Variants in PLEKHA5 observed in about 807,000 individuals in gnomAD.
PLEKHA5 encodes pleckstrin homology domain containing A5.
Under a neutral mutation model 181.9 loss-of-function variants are expected in PLEKHA5, and 55 were observed. That is an observed-to-expected ratio of 0.30 (90% CI 0.24 to 0.38). PLEKHA5 has a LOEUF of 0.38. PLEKHA5 is among the 10% of genes least tolerant of loss of function. The probability of loss-of-function intolerance (pLI) is 1.00; values close to 1 mark genes in which losing one functional copy is unlikely to be tolerated. For synonymous variants in PLEKHA5, 535 were observed against 529.4 expected, an observed-to-expected ratio of 1.01 and a Z score of -0.15; for missense variants, 1,432 against 1,549.5, an observed-to-expected ratio of 0.92 and a Z score of 1.27.
chr12:19,305,584 CG>C (rs2083068574), intron 15 of PLEKHA5, among the ~76,000 whole-genome samples: 1 of 141,852 alleles, frequency 7.0e-6, no homozygotes, highest in Non-Finnish European at 1.5e-5. Flanking sequence ...AGACCCAGCA[CG>C]GATGGCTTGA....
intron 3 of PLEKHA5, among the ~76,000 whole-genome samples, chr12:19,178,134 G>A (rs2047732979): frequency 1.3e-5 from 2 of 152,040 alleles, no homozygotes; most frequent in South Asian, 4.2e-4. Context: ...AAATCTCCTT[G>A]GTCTATTATT....
At chr12:19,166,112 T>C (rs575168733) in intron 3 of PLEKHA5, among the ~76,000 whole-genome samples, 29 of 152,286 alleles carry the variant, frequency 1.9e-4, no homozygotes, top group Admixed American at 5.9e-4. Context: ...TCCCTGTTCT[T>C]CAGTAACATT....
chr12:19,251,833 A>G (rs183431892), intron 3 of PLEKHA5, among the ~76,000 whole-genome samples: 2 of 152,092 alleles, frequency 1.3e-5, no homozygotes, highest in East Asian at 3.9e-4. Flanking sequence ...ACAGGGGACA[A>G]ACTTTGGTAG....
chr12:19,295,576 TAACAG>T (rs2079549287), intron 15 of PLEKHA5, among the ~76,000 whole-genome samples: 1 of 152,160 alleles, frequency 6.6e-6, no homozygotes. Context: ...TTTTTTTTCT[TAACAG>T]GGCAGATCAA....
chr12:19,188,391 G>A (rs773231597), intron 3 of PLEKHA5, among the ~76,000 whole-genome samples: 7 of 152,008 alleles, frequency 4.6e-5, no homozygotes, highest in Admixed American at 1.3e-4. Flanking sequence ...TTTCAGATCA[G>A]CATGTTATTT....
At chr12:19,142,294 A>G (rs1425123663) in intron 3 of PLEKHA5, among the ~76,000 whole-genome samples, 1 of 152,172 alleles carries the variant, frequency 6.6e-6, no homozygotes, top group Non-Finnish European at 1.5e-5. Flanking sequence ...GCTTGAGCCC[A>G]GGAACTCAAA....
rs907418399 is a variant in PLEKHA5, at chr12:19,369,879, C to T, written c.*11+81C>T. The T allele has an allele frequency of 1.3e-5, 10 of 795,084 alleles. No homozygotes were observed. The African/African-American group carries it at 1.6e-4, about 12-fold the overall frequency. 49.3% of individuals were successfully genotyped at this position (795,084 alleles called of 1,614,324 possible). On this transcript the variant is annotated intron_variant, in intron 31 of 31. Coordinates refer to ENST00000429027, the MANE Select transcript of PLEKHA5 (RefSeq NM_001256470.2). ...TATCTGTTGGTTTAGTGAATCAAAA[C>T]TGGGATTAGTTCTGGACTGTACATA...
chr12:19,313,991 G>A (rs180861562), intron 15 of PLEKHA5, among the ~76,000 whole-genome samples: 15 of 152,198 alleles, frequency 9.9e-5, no homozygotes, highest in Admixed American at 2.0e-4. Flanking sequence ...AAAATTAAGC[G>A]TTACAAATTA....
chr12:19,371,793 A>C (rs986182716), intron 31 of PLEKHA5: 1 of 152,100 alleles, frequency 6.6e-6, no homozygotes, highest in Non-Finnish European at 1.5e-5. Context: ...TATCTTTTTT[A>C]TGTAATGACT....
rs1232512818 is a variant in PLEKHA5 at position 19,347,128 on chromosome 12, T to G, written c.2844T>G (p.Pro948=). ...ATAGCAGGGGCCCAGTTCATCTGCC[T>G]GAAGAAAAGAAGATGTATCAAGTTC... The part of the protein sequence containing the change: ...LCYSRGPVHL[P]EEKKMYQVQG... Residue 948 remains proline, a synonymous_variant, in exon 24 of 32, where the codon CCT becomes CCG. Coordinates refer to ENST00000429027, the MANE Select transcript of PLEKHA5 (RefSeq NM_001256470.2). The G allele has an allele frequency of 1.3e-6, 2 of 1,550,122 alleles. No homozygotes were observed. The highest frequency in any genetic ancestry group is 2.7e-5 in the African/African-American group (2 of 73,024).
chr12:19,342,981 C>G (rs116938010), intron 21 of PLEKHA5, among the ~76,000 whole-genome samples: 9,177 of 152,086 alleles, frequency 0.06, 303 homozygotes, highest in South Asian at 0.12. Flanking sequence ...TTTGTTTCTG[C>G]TCTGTTTTCA....
chr12:19,134,539 T>G (rs968985416), intron 3 of PLEKHA5, among the ~76,000 whole-genome samples: 3 of 152,160 alleles, frequency 2.0e-5, no homozygotes, highest in Non-Finnish European at 4.4e-5. Context: ...GCTACTGCTT[T>G]ATCTTCTGGG....
At chr12:19,162,206 G>T (rs1465699869) in intron 3 of PLEKHA5, among the ~76,000 whole-genome samples, 1 of 152,096 alleles carries the variant, frequency 6.6e-6, no homozygotes, top group African/African-American at 2.4e-5. Context: ...GTTTATGTAT[G>T]TTAGGGGCTG....
intron 3 of PLEKHA5, among the ~76,000 whole-genome samples, chr12:19,168,959 G>C (rs12578443): frequency 0.11 from 17,155 of 152,204 alleles, 1,171 homozygotes; most frequent in East Asian, 0.31. Context: ...TGTAAAGTGA[G>C]CTTAATCACC....
chr12:19,319,249 G>A (rs2153030715), intron 16 of PLEKHA5, among the ~76,000 whole-genome samples: 1 of 152,142 alleles, frequency 6.6e-6, no homozygotes, highest in East Asian at 1.9e-4. Context: ...TGAAAGTTTT[G>A]TGGTTTAACA....
intron 3 of PLEKHA5, among the ~76,000 whole-genome samples, chr12:19,203,988 CAT>C (rs1439475859): frequency 6.6e-6 from 1 of 152,036 alleles, no homozygotes; most frequent in Non-Finnish European, 1.5e-5. Flanking sequence ...AGACACAAAA[CAT>C]ATGCGTATTG....
At chr12:19,183,618 T>G (rs953409360) in intron 3 of PLEKHA5, among the ~76,000 whole-genome samples, 1 of 152,224 alleles carries the variant, frequency 6.6e-6, no homozygotes, top group Non-Finnish European at 1.5e-5. Flanking sequence ...AGTTAGTTGT[T>G]CTCAGTCTGC....
At chr12:19,302,068 G>A (rs2081638404) in intron 15 of PLEKHA5, among the ~76,000 whole-genome samples, 1 of 152,190 alleles carries the variant, frequency 6.6e-6, no homozygotes, top group African/African-American at 2.4e-5. Flanking sequence ...TATTGATGTA[G>A]ACACAGAAGG....
chr12:19,292,020 AG>A (rs1237131816), intron 15 of PLEKHA5, among the ~76,000 whole-genome samples: 3 of 152,216 alleles, frequency 2.0e-5, no homozygotes, highest in Non-Finnish European at 2.9e-5. Context: ...ACCTAATTAA[AG>A]GAACAGACAC....
Sources: allele counts gnomAD v4.1 joint callset (sites outside exome capture counted in the v4.1 genomes callset), GRCh38; gene constraint gnomAD v4.1.1; transcripts MANE v1.5; gene names NCBI Gene and HGNC (gene_info 2026-07-23, HGNC 2026-07-21).